Variants in TBC1D12 observed in about 807,000 individuals in gnomAD.
The protein encoded by TBC1D12 is TBC1 domain family, member 12.
In TBC1D12, 56 loss-of-function variants were observed where a neutral mutation model predicts 86.7. The observed-to-expected ratio is 0.65, with a 90% CI of 0.52 to 0.81. TBC1D12 has a LOEUF of 0.81. TBC1D12 is among the 30% of genes least tolerant of loss of function. The pLI is 0.00. For synonymous variants in TBC1D12, 421 were observed against 411.7 expected (o/e 1.02, Z -0.27); for missense variants, 1,023 against 1,038.8 (o/e 0.98, Z 0.21).
chr10:94,404,511 T>G (rs1306611832), intron 1 of TBC1D12, among the ~76,000 whole-genome samples: 1 of 151,694 alleles, frequency 6.6e-6, no homozygotes, highest in East Asian at 1.9e-4. Context: ...CCAGGCGTGG[T>G]GGCAGGTGCT....
intron 4 of TBC1D12, among the ~76,000 whole-genome samples, chr10:94,496,818 C>T (rs1175330838): frequency 1.3e-5 from 2 of 152,072 alleles, no homozygotes; most frequent in Non-Finnish European, 2.9e-5. Flanking sequence ...AGCAACGTGG[C>T]GAGACCCATC....
In TBC1D12 at chr10:94,522,008, A is replaced by G. The variant is rs1842165327; in HGVS notation, c.1815A>G (p.Ala605=). The G allele has an allele frequency of 6.2e-7, 1 of 1,612,662 alleles. No individual in the cohort carries two copies. Among genetic ancestry groups the G allele is most frequent in the African/African-American group, 1.3e-5 (1 of 75,054 alleles). Residue 605 remains alanine, a synonymous_variant, in exon 10 of 13, where the codon GCA becomes GCG. Coordinates refer to ENST00000225235, the MANE Select transcript of TBC1D12 (RefSeq NM_015188.2). ...AAVLILNLEE[A]DAFIAFANLL... is the part of the protein sequence containing the mutation. ...TACTCATTCTCAATTTGGAAGAGGC[A>G]GATGCCTTTATCGCATTTGCCAATC...
intron 1 of TBC1D12, among the ~76,000 whole-genome samples, chr10:94,409,962 T>G (rs1353493047): frequency 6.6e-6 from 1 of 152,218 alleles, no homozygotes; most frequent in African/African-American, 2.4e-5. Flanking sequence ...TACAATGTTA[T>G]TAATTAAACT....
chr10:94,502,962 T>C (rs1251538233), intron 6 of TBC1D12, among the ~76,000 whole-genome samples: 5 of 152,206 alleles, frequency 3.3e-5, no homozygotes, highest in Admixed American at 2.6e-4. Flanking sequence ...CTGGTCTTTT[T>C]TCTATGTACA....
chr10:94,447,485 C>A, intron 2 of TBC1D12: 2 of 362,110 alleles, frequency 5.5e-6, no homozygotes, highest in Non-Finnish European at 7.7e-6. Flanking sequence ...AATTTTAGTG[C>A]TTTCCATGTT....
rs1204190512 is a variant in TBC1D12, at chr10:94,491,166, T to C, written c.1212-2199T>C. On this transcript the variant is annotated intron_variant, in intron 3 of 12. Transcript: ENST00000225235. ...TGTCTGGAAACTATAGTTTAATATA[T>C]TTTGTCCATTTTCTAATGATTTAAG... Among the ~76,000 whole-genome samples the C allele has an allele frequency of 2.0e-5, 3 of 152,156 alleles. No individual in the cohort carries two copies. In the East Asian group the frequency reaches 5.8e-4, roughly 29 times the overall value.
chr10:94,473,462 A>G (rs1208807183), intron 2 of TBC1D12, among the ~76,000 whole-genome samples: 1 of 152,170 alleles, frequency 6.6e-6, no homozygotes, highest in Non-Finnish European at 1.5e-5. Context: ...GAGTAAGGAG[A>G]AATAGGCTTT....
intron 2 of TBC1D12, 76 bp from the exon 3 acceptor site, chr10:94,474,592 T>G: frequency 9.7e-7 from 1 of 1,026,610 alleles, no homozygotes; most frequent in Non-Finnish European, 1.5e-6. Flanking sequence ...AGCATAATAT[T>G]TTTAATGATA....
intron 1 of TBC1D12, among the ~76,000 whole-genome samples, chr10:94,417,189 G>C (rs1315543844): frequency 2.0e-5 from 3 of 152,152 alleles, no homozygotes; most frequent in African/African-American, 4.8e-5. Flanking sequence ...AGATAGTTAT[G>C]GTAGTTTATG....
At chr10:94,448,395 A>C (rs1459503114) in intron 2 of TBC1D12, among the ~76,000 whole-genome samples, 1 of 152,180 alleles carries the variant, frequency 6.6e-6, no homozygotes, top group East Asian at 1.9e-4. Context: ...TCTTGCTGTA[A>C]AATTTGATTA....
At chr10:94,456,481 GC>G (rs2055628280) in intron 2 of TBC1D12, among the ~76,000 whole-genome samples, 2 of 152,270 alleles carry the variant, frequency 1.3e-5, no homozygotes, top group South Asian at 4.1e-4. Flanking sequence ...GGATTTTTCA[GC>G]TATCTATCTC....
intron 3 of TBC1D12, among the ~76,000 whole-genome samples, chr10:94,482,428 A>G (rs2056090513): frequency 6.6e-6 from 1 of 150,776 alleles, no homozygotes; most frequent in African/African-American, 2.4e-5. Flanking sequence ...CTGTTGTACT[A>G]TCAAATACTA....
At chr10:94,433,221 C>A (rs149291911) in intron 1 of TBC1D12, among the ~76,000 whole-genome samples, 2 of 151,970 alleles carry the variant, frequency 1.3e-5, no homozygotes, top group Admixed American at 6.6e-5. Flanking sequence ...TGGGTTCAAG[C>A]GATTCTCCTG....
At chr10:94,454,221 T>C (rs1443885679) in intron 2 of TBC1D12, among the ~76,000 whole-genome samples, 1 of 150,884 alleles carries the variant, frequency 6.6e-6, no homozygotes, top group Non-Finnish European at 1.5e-5. Context: ...TAAATGACAT[T>C]GAGTCTTCTT....
chr10:94,524,478 C>T (rs1193576608), intron 11 of TBC1D12, among the ~76,000 whole-genome samples: 2 of 152,140 alleles, frequency 1.3e-5, no homozygotes, highest in East Asian at 1.9e-4. Context: ...TGATGGCTCA[C>T]GCCTGTAATC....
At chr10:94,465,521 C>A (rs1275317831) in intron 2 of TBC1D12, among the ~76,000 whole-genome samples, 1 of 151,972 alleles carries the variant, frequency 6.6e-6, no homozygotes, top group African/African-American at 2.4e-5. Flanking sequence ...TGGCACGTGC[C>A]TGTAGTCTCA....
At position 94,533,132 on chromosome 10, in the gene TBC1D12, G is replaced by A; in HGVS notation, c.*36G>A. ...TGACAGACTAACTGACATAGAAAAAGTGGTTTTTGGATAAAGGTTTTTTGT... is the reference window on the plus strand; with the variant it reads ...TGACAGACTAACTGACATAGAAAAAATGGTTTTTGGATAAAGGTTTTTTGT... On this transcript the variant is annotated 3_prime_UTR_variant, in exon 13 of 13. Transcript: ENST00000225235. 7.1e-7 allele frequency: 1 copy of A among 1,418,170 alleles called. No individual in the cohort carries two copies. The highest frequency in any genetic ancestry group is 9.6e-7 in the Non-Finnish European group (1 of 1,041,028). The allele number at this position is 1,418,170 out of a possible 1,614,324, so 87.8% of individuals were successfully genotyped here. A position where few individuals can be genotyped will look rare whatever the true frequency, so the allele number is the denominator to read the frequency against.
At chr10:94,434,515 A>G (rs972472959) in intron 1 of TBC1D12, among the ~76,000 whole-genome samples, 26 of 152,092 alleles carry the variant, frequency 1.7e-4, no homozygotes, top group South Asian at 1.7e-3. Flanking sequence ...AAAAAAAAAA[A>G]AAAAAGAAAA....
At chr10:94,442,093 T>G in intron 2 of TBC1D12, 74 bp downstream of exon 2, 3 of 1,465,720 alleles carry the variant, frequency 2.0e-6, no homozygotes, top group Non-Finnish European at 2.7e-6. Flanking sequence ...TTTTTTTTTT[T>G]TTTTTTAAAC....
Sources: gnomAD v4.1 joint callset for allele counts (sites outside exome capture counted in the v4.1 genomes callset) on GRCh38, gnomAD v4.1.1 for gene constraint, MANE v1.5 for transcripts, NCBI Gene and HGNC (gene_info 2026-07-23, HGNC 2026-07-21) for gene names.